PTPRD: variants seen among roughly 807,000 people sequenced by gnomAD.
PTPRD encodes protein tyrosine phosphatase receptor type D.
Under a neutral mutation model 214.5 loss-of-function variants are expected in PTPRD, and 34 were observed. The observed-to-expected ratio is 0.16, with a 90% CI of 0.12 to 0.21. The LOEUF is 0.21. Ranked by LOEUF, PTPRD falls within the 10% of genes least tolerant of loss-of-function variation. The pLI, the probability that PTPRD is intolerant of heterozygous loss-of-function variation, is 1.00. For synonymous variants in PTPRD, 1,128 were observed against 845.7 expected (o/e 1.33, Z -5.79); for missense variants, 2,545 against 2,398.7 (o/e 1.06, Z -1.27).
chr9:10,153,245 C>T (rs4740442), intron 3 of PTPRD, among the ~76,000 whole-genome samples: 48,049 of 151,722 alleles, frequency 0.32, 7,802 homozygotes, highest in South Asian at 0.42. Flanking sequence ...TGTGTACATA[C>T]ATCACAATAT....
chr9:10,041,769 T>G (rs1343865930), intron 3 of PTPRD, among the ~76,000 whole-genome samples: 6 of 151,990 alleles, frequency 3.9e-5, no homozygotes, highest in African/African-American at 1.4e-4. Context: ...TTGCATTGCT[T>G]TGGACAAAGA....
At chr9:8,869,571 C>G (rs34877168) in intron 11 of PTPRD, among the ~76,000 whole-genome samples, 3,053 of 152,164 alleles carry the variant, frequency 0.02, 50 homozygotes, top group Admixed American at 0.036. Flanking sequence ...GCAAGCTTCT[C>G]AGGTAATTCT....
At chr9:8,807,280 T>C (rs7847301) in intron 11 of PTPRD, among the ~76,000 whole-genome samples, 5,053 of 152,154 alleles carry the variant, frequency 0.033, 276 homozygotes, top group African/African-American at 0.11. Flanking sequence ...GAGGTTGCAG[T>C]GAGCCGAGAT....
chr9:9,198,426 T>C (rs1419684431), intron 9 of PTPRD, among the ~76,000 whole-genome samples: 1 of 152,174 alleles, frequency 6.6e-6, no homozygotes, highest in Non-Finnish European at 1.5e-5. Context: ...TTTCTTTTAT[T>C]CATTTACTTA....
At chr9:8,788,883 G>T (rs1292916552) in intron 11 of PTPRD, among the ~76,000 whole-genome samples, 1 of 152,132 alleles carries the variant, frequency 6.6e-6, no homozygotes, top group African/African-American at 2.4e-5. Context: ...CAGGCAAGAT[G>T]TCTTACATGT....
intron 7 of PTPRD, among the ~76,000 whole-genome samples, chr9:9,728,876 T>C (rs993198247): frequency 6.6e-6 from 1 of 152,136 alleles, no homozygotes; most frequent in African/African-American, 2.4e-5. Context: ...CTAGTGACAT[T>C]TGTTAAGTGA....
At chr9:9,400,840 A>G (rs1395505542) in intron 8 of PTPRD, among the ~76,000 whole-genome samples, 3 of 152,192 alleles carry the variant, frequency 2.0e-5, no homozygotes, top group African/African-American at 7.2e-5. Context: ...TTTCCTGAGA[A>G]CCTTTCAGAT....
chr9:10,277,474 G>A (rs760304375), intron 3 of PTPRD, among the ~76,000 whole-genome samples: 3 of 152,128 alleles, frequency 2.0e-5, no homozygotes, highest in Admixed American at 1.3e-4. Context: ...GCTTCTCTAT[G>A]TACAAGTTTC....
intron 5 of PTPRD, among the ~76,000 whole-genome samples, chr9:9,898,608 C>G (rs989475756): frequency 6.6e-6 from 1 of 152,006 alleles, no homozygotes; most frequent in Non-Finnish European, 1.5e-5. Context: ...CAAAAAGATT[C>G]TTTTGTGTGG....
intron 12 of PTPRD, among the ~76,000 whole-genome samples, chr9:8,669,008 T>G (rs888328448): frequency 6.6e-6 from 1 of 152,088 alleles, no homozygotes; most frequent in African/African-American, 2.4e-5. Flanking sequence ...AGAGGAGCAC[T>G]GAACAGCTTT....
Position 9,650,488 on chromosome 9 carries a change from A to G in PTPRD, c.-286-75707T>C, listed in dbSNP as rs2096308508. Among the ~76,000 whole-genome samples, 4 of 152,138 alleles carry G rather than the reference A, an allele frequency of 2.6e-5. No homozygotes were observed. In the South Asian group the frequency reaches 8.3e-4, roughly 32 times the overall value. The stretch of plus-strand genomic sequence containing the variant: ...ATACTTTGTAGAGGATTTTTGCATC[A>G]ATGTTCAACAAGGATAATGCCCTGA... On this transcript the variant is annotated intron_variant, in intron 7 of 45. Coordinates refer to ENST00000381196, the MANE Select transcript of PTPRD (RefSeq NM_002839.4).
chr9:8,967,578 T>A (rs2099205573), intron 11 of PTPRD, among the ~76,000 whole-genome samples: 1 of 151,550 alleles, frequency 6.6e-6, no homozygotes, highest in South Asian at 2.1e-4. Flanking sequence ...CAAATCAATC[T>A]TGGAGGTCAA....
chr9:8,796,457 G>A (rs115544276), intron 11 of PTPRD, among the ~76,000 whole-genome samples: 241 of 152,250 alleles, frequency 1.6e-3, no homozygotes, highest in African/African-American at 5.5e-3. Context: ...CTCAGAGTAA[G>A]TGAGTATTGC....
At chr9:9,902,362 T>C (rs144376283) in intron 5 of PTPRD, among the ~76,000 whole-genome samples, 488 of 152,284 alleles carry the variant, frequency 3.2e-3, no homozygotes, top group African/African-American at 0.011. Context: ...TCCCATACCA[T>C]TAATGTATTG....
chr9:10,006,519 T>G (rs923400833), intron 4 of PTPRD, among the ~76,000 whole-genome samples: 1 of 151,976 alleles, frequency 6.6e-6, no homozygotes, highest in Non-Finnish European at 1.5e-5. Flanking sequence ...CATATTCCCG[T>G]TTTACAGAAT....
intron 11 of PTPRD, among the ~76,000 whole-genome samples, chr9:8,758,155 A>G (rs2094150750): frequency 6.6e-6 from 1 of 152,236 alleles, no homozygotes; most frequent in Admixed American, 6.5e-5. Flanking sequence ...GATTTTGAGG[A>G]AACAAGCTTC....
At position 8,353,984 on chromosome 9, in the gene PTPRD, G is replaced by C. The variant is rs1445042311; in HGVS notation, c.4662-12006C>G. Among the ~76,000 whole-genome samples the C allele has an allele frequency of 8.2e-5, 11 of 134,200 alleles. No individual in the cohort carries two copies. The South Asian group carries it at 1.1e-3, about 13-fold the overall frequency. The allele number at this position is 134,200 out of a possible 152,430, so 88.0% of individuals were successfully genotyped here. A position where few individuals can be genotyped will look rare whatever the true frequency, so the allele number is the denominator to read the frequency against. ...TATATGTTTTTTTTTTTTTGAGAAG[G>C]AGTCTCACTCTGTTGCCAGGCTGGA... is the stretch of plus-strand genomic sequence containing the variant. On this transcript the variant is annotated intron_variant, in intron 39 of 45. Transcript: ENST00000381196.
intron 14 of PTPRD, among the ~76,000 whole-genome samples, chr9:8,581,954 A>G: frequency 6.7e-6 from 1 of 148,274 alleles, no homozygotes; most frequent in African/African-American, 2.5e-5. Context: ...AGGGAAAAAA[A>G]GGAGGACAGA....
At position 10,303,943 on chromosome 9, in the gene PTPRD, C is replaced by T. The variant is rs191779412; in HGVS notation, c.-545+37020G>A. Among the ~76,000 whole-genome samples, 331 of 152,010 alleles carry T rather than the reference C, an allele frequency of 2.2e-3. 3 individuals carry two copies. Among genetic ancestry groups the T allele is most frequent in the Admixed American group, 0.019 (290 of 15,228 alleles). On this transcript the variant is annotated intron_variant, in intron 3 of 45. Coordinates refer to ENST00000381196, the MANE Select transcript of PTPRD (RefSeq NM_002839.4). ...CCAGCATCATCCTGATGCTGAAACC[C>T]GGAAGAGACACAACAAAAAAAGATA...
Sources: gnomAD v4.1 joint callset for allele counts (sites outside exome capture counted in the v4.1 genomes callset) on GRCh38, gnomAD v4.1.1 for gene constraint, MANE v1.5 for transcripts, NCBI Gene and HGNC (gene_info 2026-07-23, HGNC 2026-07-21) for gene names.